Variants in L3MBTL4 observed in about 807,000 individuals in gnomAD.
L3MBTL4 encodes L3MBTL histone methyl-lysine binding protein 4.
A neutral mutation model predicts 84.5 loss-of-function variants in L3MBTL4; 70 were observed. That is an observed-to-expected ratio of 0.83 (90% CI 0.68 to 1.01). The LOEUF is 1.01. L3MBTL4 is among the 50% of genes least tolerant of loss of function. The pLI is 0.00. For synonymous variants in L3MBTL4, 274 were observed against 259.8 expected, an observed-to-expected ratio of 1.05 and a Z score of -0.52; for missense variants, 715 against 754.8, an observed-to-expected ratio of 0.95 and a Z score of 0.62.
At chr18:6,331,914 T>C (rs146290670) in intron 1 of L3MBTL4, among the ~76,000 whole-genome samples, 5 of 150,206 alleles carry the variant, frequency 3.3e-5, no homozygotes, top group African/African-American at 7.4e-5. Context: ...AGATAACTTA[T>C]ATCCAACAGT....
In L3MBTL4 at chr18:6,021,581, G is replaced by A. The variant is rs1370031838; in HGVS notation, c.1445-52019C>T. 3.9e-5 allele frequency among the ~76,000 whole-genome samples: 6 copies of A among 152,248 alleles called. No homozygotes were observed. The East Asian group carries it at 9.7e-4, about 25-fold the overall frequency. On this transcript the variant is annotated intron_variant, in intron 16 of 18. Transcript: ENST00000317931. ...CCCCAGTGGGGCAACTGCCTTTTGC[G>A]GCCCTCCCTGCATGGAATTGACTAA...
At chr18:6,239,305 C>T (rs935596280) in intron 9 of L3MBTL4, among the ~76,000 whole-genome samples, 1 of 142,498 alleles carries the variant, frequency 7.0e-6, no homozygotes, top group African/African-American at 2.7e-5. Flanking sequence ...CCCGCCACTG[C>T]ACTCCAGCCT....
intron 4 of L3MBTL4, among the ~76,000 whole-genome samples, chr18:6,301,375 A>G (rs1337376626): frequency 6.6e-6 from 1 of 152,230 alleles, no homozygotes; most frequent in East Asian, 1.9e-4. Context: ...TATTTCCAGA[A>G]AATCGCATCT....
chr18:6,186,967 G>T (rs1164819707), intron 12 of L3MBTL4, among the ~76,000 whole-genome samples: 2 of 152,150 alleles, frequency 1.3e-5, no homozygotes, highest in Non-Finnish European at 2.9e-5. Flanking sequence ...CTTAGAGAAG[G>T]TGCTGTCCTG....
At chr18:6,160,860 G>T (rs2043308254) in intron 13 of L3MBTL4, among the ~76,000 whole-genome samples, 1 of 151,950 alleles carries the variant, frequency 6.6e-6, no homozygotes, top group African/African-American at 2.4e-5. Flanking sequence ...AGAAAAACTG[G>T]ACATCCCATT....
At chr18:6,073,746 C>A (rs1231560639) in intron 16 of L3MBTL4, among the ~76,000 whole-genome samples, 2 of 152,238 alleles carry the variant, frequency 1.3e-5, no homozygotes, top group Admixed American at 6.5e-5. Flanking sequence ...TTTTCACGAA[C>A]TTCACAAATT....
intron 16 of L3MBTL4, among the ~76,000 whole-genome samples, chr18:5,999,636 C>T (rs908000060): frequency 2.0e-5 from 3 of 152,134 alleles, no homozygotes; most frequent in Non-Finnish European, 4.4e-5. Context: ...ATAAAGGAAA[C>T]ACCATAAATT....
intron 1 of L3MBTL4, among the ~76,000 whole-genome samples, chr18:6,335,479 A>C (rs548464396): frequency 2.0e-5 from 3 of 152,328 alleles, no homozygotes; most frequent in Admixed American, 2.0e-4. Context: ...TCTAAAATCA[A>C]TTTGCAAAAT....
At chr18:6,069,409 C>T (rs569563137) in intron 16 of L3MBTL4, among the ~76,000 whole-genome samples, 1 of 152,106 alleles carries the variant, frequency 6.6e-6, no homozygotes, top group South Asian at 2.1e-4. Flanking sequence ...TTAAGCTTGC[C>T]ATAAGTTGCT....
chr18:6,248,011 A>C (rs1404086802), intron 5 of L3MBTL4, among the ~76,000 whole-genome samples: 1 of 152,062 alleles, frequency 6.6e-6, no homozygotes, highest in Non-Finnish European at 1.5e-5. Context: ...TACAAAATGC[A>C]CATATATGTA....
At chr18:5,997,699 A>T (rs2054038533) in intron 16 of L3MBTL4, among the ~76,000 whole-genome samples, 1 of 152,084 alleles carries the variant, frequency 6.6e-6, no homozygotes, top group Non-Finnish European at 1.5e-5. Flanking sequence ...AAAATGTATA[A>T]AGCCAAGCTG....
At chr18:6,266,797 C>T (rs1007375727) in intron 4 of L3MBTL4, among the ~76,000 whole-genome samples, 10 of 152,192 alleles carry the variant, frequency 6.6e-5, no homozygotes, top group African/African-American at 2.4e-4. Context: ...ATGGTGCATG[C>T]CTATAATCCC....
intron 15 of L3MBTL4, among the ~76,000 whole-genome samples, chr18:6,081,952 TAGGTCCTACA>T (rs2058093380): frequency 6.6e-6 from 1 of 152,172 alleles, no homozygotes; most frequent in Admixed American, 6.5e-5. Context: ...GACTTTACCA[TAGGTCCTACA>T]AGGCTACTGT....
At chr18:6,148,846 A>G (rs1246216131) in intron 13 of L3MBTL4, among the ~76,000 whole-genome samples, 1 of 152,198 alleles carries the variant, frequency 6.6e-6, no homozygotes. Flanking sequence ...CATTAGACTT[A>G]CTGTGAGGAA....
chr18:6,186,725 G>C (rs2044785511), intron 12 of L3MBTL4, among the ~76,000 whole-genome samples: 1 of 152,128 alleles, frequency 6.6e-6, no homozygotes, highest in Non-Finnish European at 1.5e-5. Context: ...CCTTCCGGTT[G>C]GTGGATAAAG....
chr18:6,055,538 C>A (rs1332493066), intron 16 of L3MBTL4, among the ~76,000 whole-genome samples: 1 of 152,188 alleles, frequency 6.6e-6, no homozygotes, highest in African/African-American at 2.4e-5. Flanking sequence ...GCAATCTAGA[C>A]AGCTTGGTCA....
chr18:5,982,728 A>T (rs963400899), intron 16 of L3MBTL4, among the ~76,000 whole-genome samples: 14 of 152,216 alleles, frequency 9.2e-5, no homozygotes, highest in Non-Finnish European at 1.9e-4. Flanking sequence ...AAGTCCAGAG[A>T]TTGGATCAAA....
At position 6,404,736 on chromosome 18, in the gene L3MBTL4, G is replaced by C. The variant is rs341239; in HGVS notation, c.-91+10065C>G. Reference sequence around the variant, plus strand: ...GGGTCTCATTCTGTCACCTAGGCTGGAGTGAAGTGGCTCAAACACAGCTCA... The same window carrying C: ...GGGTCTCATTCTGTCACCTAGGCTGCAGTGAAGTGGCTCAAACACAGCTCA... On this transcript the variant is annotated intron_variant, in intron 1 of 18. Transcript: ENST00000317931. Among the ~76,000 whole-genome samples, 452 of 147,794 alleles carry C rather than the reference G, an allele frequency of 3.1e-3. 3 individuals are homozygous for C. The highest frequency in any genetic ancestry group is 0.01 in the African/African-American group (421 of 40,100).
chr18:6,213,438 G>A (rs2046198760), intron 11 of L3MBTL4, among the ~76,000 whole-genome samples, 179 bp from the exon 12 acceptor site: 1 of 152,128 alleles, frequency 6.6e-6, no homozygotes, highest in African/African-American at 2.4e-5. Context: ...TTGAGATGGA[G>A]TTTCACTCTT....
Sources: allele counts gnomAD v4.1 joint callset (sites outside exome capture counted in the v4.1 genomes callset), GRCh38; gene constraint gnomAD v4.1.1; transcripts MANE v1.5; gene names NCBI Gene and HGNC (gene_info 2026-07-23, HGNC 2026-07-21).